PTPRT: variants seen among roughly 807,000 people sequenced by gnomAD.
PTPRT encodes the protein protein tyrosine phosphatase receptor type T.
In PTPRT, 56 loss-of-function variants were observed where a neutral mutation model predicts 176.8. That is an observed-to-expected ratio of 0.32 (90% CI 0.26 to 0.40). PTPRT has a LOEUF of 0.40. Ranked by LOEUF, PTPRT falls within the 10% of genes least tolerant of loss-of-function variation. PTPRT has a pLI of 1.00. For missense variants in PTPRT, 1,540 were observed against 1,908.2 expected (o/e 0.81, Z 3.60); for synonymous variants, 783 against 739.0 (o/e 1.06, Z -0.96).
chr20:42,326,299 C>T (rs934189613), intron 11 of PTPRT, among the ~76,000 whole-genome samples: 1 of 152,184 alleles, frequency 6.6e-6, no homozygotes, highest in Non-Finnish European at 1.5e-5. Flanking sequence ...GAGAAAGTCA[C>T]TTTACCTCTA....
At chr20:42,799,099 A>G (rs1179087066) in intron 2 of PTPRT, among the ~76,000 whole-genome samples, 1 of 152,082 alleles carries the variant, frequency 6.6e-6, no homozygotes, top group Non-Finnish European at 1.5e-5. Flanking sequence ...GAAAGAAAAG[A>G]AGGAGAAAAC....
intron 1 of PTPRT, among the ~76,000 whole-genome samples, chr20:43,049,070 G>C (rs1480580743): frequency 6.6e-6 from 1 of 152,168 alleles, no homozygotes; most frequent in African/African-American, 2.4e-5. Flanking sequence ...TTCTGCTTCA[G>C]AGGCTGTTAC....
At chr20:42,667,763 T>C (rs1373397696) in intron 7 of PTPRT, among the ~76,000 whole-genome samples, 1 of 152,210 alleles carries the variant, frequency 6.6e-6, no homozygotes, top group Non-Finnish European at 1.5e-5. Context: ...ATTCCAGAGC[T>C]AGCTGAAGGG....
intron 12 of PTPRT, among the ~76,000 whole-genome samples, chr20:42,293,939 T>G (rs1431054461): frequency 6.6e-6 from 1 of 152,086 alleles, no homozygotes; most frequent in African/African-American, 2.4e-5. Flanking sequence ...TTTTCCCACA[T>G]ATGATTCAAA....
intron 9 of PTPRT, among the ~76,000 whole-genome samples, chr20:42,403,671 A>G (rs2058932457): frequency 6.6e-6 from 1 of 152,140 alleles, no homozygotes; most frequent in African/African-American, 2.4e-5. Context: ...CTCTTCAATG[A>G]CCAGATCTGT....
At chr20:42,661,564 A>C (rs2075223222) in intron 7 of PTPRT, among the ~76,000 whole-genome samples, 1 of 152,202 alleles carries the variant, frequency 6.6e-6, no homozygotes, top group African/African-American at 2.4e-5. Flanking sequence ...TTTCCGCCCT[A>C]AGCCCAGGTG....
At chr20:42,719,368 T>C (rs1172539485) in intron 6 of PTPRT, among the ~76,000 whole-genome samples, 1 of 152,218 alleles carries the variant, frequency 6.6e-6, no homozygotes, top group South Asian at 2.1e-4. Context: ...CAGAAAGCTG[T>C]GACCAAGACA....
chr20:43,034,275 G>A (rs1344232079), intron 1 of PTPRT, among the ~76,000 whole-genome samples: 8 of 152,154 alleles, frequency 5.3e-5, no homozygotes, highest in Non-Finnish European at 8.8e-5. Context: ...GGACCAAAAC[G>A]CACCTAGAAG....
intron 6 of PTPRT, among the ~76,000 whole-genome samples, chr20:42,684,252 G>A (rs1181439119): frequency 2.0e-5 from 3 of 152,078 alleles, no homozygotes; most frequent in Non-Finnish European, 4.4e-5. Context: ...GGCTGAGGCA[G>A]GAGAATCGCT....
intron 29 of PTPRT, among the ~76,000 whole-genome samples, chr20:42,082,450 C>G (rs1347678593): frequency 1.3e-5 from 2 of 152,206 alleles, no homozygotes; most frequent in East Asian, 1.9e-4. Flanking sequence ...TCTGGGTCCA[C>G]TTAAACATCC....
At chr20:42,593,158 A>G (rs2073609961) in intron 7 of PTPRT, among the ~76,000 whole-genome samples, 2 of 152,312 alleles carry the variant, frequency 1.3e-5, no homozygotes, top group South Asian at 4.1e-4. Context: ...ACACCGGCAC[A>G]GTAATCATCA....
chr20:42,478,925 A>C (rs901516595), intron 7 of PTPRT, among the ~76,000 whole-genome samples: 1 of 152,198 alleles, frequency 6.6e-6, no homozygotes, highest in African/African-American at 2.4e-5. Flanking sequence ...AAATCTAGAA[A>C]GTAGTGATAG....
intron 1 of PTPRT, among the ~76,000 whole-genome samples, chr20:43,134,656 A>G (rs183121499): frequency 6.6e-6 from 1 of 152,266 alleles, no homozygotes; most frequent in Admixed American, 6.5e-5. Context: ...GCCCTGAATA[A>G]AATCTGTCTT....
intron 7 of PTPRT, among the ~76,000 whole-genome samples, chr20:42,533,356 C>T (rs1429859159): frequency 1.3e-5 from 2 of 152,146 alleles, no homozygotes; most frequent in African/African-American, 4.8e-5. Flanking sequence ...TCCTTCCCAG[C>T]CCGGCAGTGA....
At chr20:43,077,935 C>G (rs1188531394) in intron 1 of PTPRT, among the ~76,000 whole-genome samples, 1 of 152,216 alleles carries the variant, frequency 6.6e-6, no homozygotes, top group African/African-American at 2.4e-5. Flanking sequence ...ACTATACCAT[C>G]CTTCTATATC....
At chr20:42,316,998 T>C (rs1309181347) in intron 11 of PTPRT, among the ~76,000 whole-genome samples, 1 of 152,218 alleles carries the variant, frequency 6.6e-6, no homozygotes, top group Non-Finnish European at 1.5e-5. Context: ...GTAGGCATTG[T>C]TGCTTACTTA....
intron 7 of PTPRT, among the ~76,000 whole-genome samples, chr20:42,538,044 T>C (rs187531641): frequency 3.3e-5 from 5 of 152,292 alleles, no homozygotes; most frequent in Admixed American, 3.3e-4. Flanking sequence ...AGATGACACA[T>C]TTAATTCTCA....
chr20:42,151,182 C>T (rs1009120921), intron 17 of PTPRT, among the ~76,000 whole-genome samples: 4 of 151,056 alleles, frequency 2.6e-5, no homozygotes, highest in Admixed American at 6.6e-5. Context: ...ATGTGCAGAA[C>T]GTGCAGGTTT....
intron 7 of PTPRT, among the ~76,000 whole-genome samples, chr20:42,609,748 G>A (rs1254144781): frequency 6.6e-6 from 1 of 152,214 alleles, no homozygotes; most frequent in Non-Finnish European, 1.5e-5. Context: ...TGTCTAGGGA[G>A]GCTGTAGGCT....
Sources: allele counts gnomAD v4.1 joint callset (sites outside exome capture counted in the v4.1 genomes callset), GRCh38; gene constraint gnomAD v4.1.1; transcripts MANE v1.5; gene names NCBI Gene and HGNC (gene_info 2026-07-23, HGNC 2026-07-21).